Variants in KRABD3 observed in about 807,000 individuals in gnomAD.
KRABD3 encodes KRAB domain-containing protein 3.
chr7:149,718,800 C>G, the KRABD3 span, among the ~76,000 whole-genome samples: 1 of 152,068 alleles, frequency 6.6e-6, no homozygotes, highest in Non-Finnish European at 1.5e-5. Context: ...CAGGCGTGAG[C>G]CACCACACCC....
At chr7:149,718,041 A>G in the KRABD3 span, among the ~76,000 whole-genome samples, 2 of 151,952 alleles carry the variant, frequency 1.3e-5, no homozygotes, top group South Asian at 2.1e-4. Flanking sequence ...CAGGTGATCC[A>G]CCCACCTGGG....
chr7:149,721,372 C>A, the KRABD3 span: 2 of 1,579,338 alleles, frequency 1.3e-6, no homozygotes, highest in East Asian at 2.2e-5. Context: ...CTCCCTCTTT[C>A]CCGACAGCAG....
At chr7:149,725,313 A>G in the KRABD3 span, 4 of 1,578,360 alleles carry the variant, frequency 2.5e-6, no homozygotes, top group South Asian at 1.2e-5. Flanking sequence ...CTCCTGTTCC[A>G]GCTGCCAGTG....
At chr7:149,719,438 T>C in the KRABD3 span, 2 of 1,192,794 alleles carry the variant, frequency 1.7e-6, no homozygotes, top group East Asian at 2.6e-5. The surrounding 1 kb of genome is among the most constrained non-coding windows in gnomAD (Gnocchi z 5.6). Context: ...CTGGCTATTA[T>C]CCTGGAGTGT....
the KRABD3 span, among the ~76,000 whole-genome samples, chr7:149,719,188 C>T: frequency 6.6e-6 from 1 of 152,306 alleles, no homozygotes; most frequent in East Asian, 1.9e-4. The surrounding 1 kb of genome is among the most constrained non-coding windows in gnomAD (Gnocchi z 5.6). Context: ...CCTGTCTTCA[C>T]ACAGCTTTCT....
the KRABD3 span, chr7:149,728,399 A>G: frequency 6.2e-6 from 7 of 1,121,954 alleles, no homozygotes; most frequent in African/African-American, 9.3e-5. Context: ...TGACACGTCC[A>G]GTGCTCTGTG....
At chr7:149,725,508 G>A in the KRABD3 span, 27 of 1,585,950 alleles carry the variant, frequency 1.7e-5, no homozygotes, top group East Asian at 1.1e-4. Flanking sequence ...GGCCATGGGC[G>A]CGGGGTGGCA....
the KRABD3 span, chr7:149,715,289 T>C: frequency 8.2e-7 from 1 of 1,219,952 alleles, no homozygotes; most frequent in Non-Finnish European, 1.0e-6. Flanking sequence ...GAAACCCCCT[T>C]GGCGTGGCTT....
At chr7:149,715,892 C>T in the KRABD3 span, among the ~76,000 whole-genome samples, 3 of 152,206 alleles carry the variant, frequency 2.0e-5, no homozygotes, top group African/African-American at 7.2e-5. Context: ...CACCCTGGTT[C>T]AGACATGCCC....
At chr7:149,730,139 C>T in the KRABD3 span, 1 of 1,496,944 alleles carries the variant, frequency 6.7e-7, no homozygotes, top group Non-Finnish European at 8.9e-7. Flanking sequence ...CTCTGGTCCC[C>T]TGCCCAGGGT....
At chr7:149,733,061 C>T in the KRABD3 span, 1 of 944,284 alleles carries the variant, frequency 1.1e-6, no homozygotes, top group Non-Finnish European at 1.6e-6. Context: ...CATCTGCGTT[C>T]TCAGGCCTCA....
the KRABD3 span, chr7:149,719,952 T>C: frequency 6.7e-7 from 1 of 1,501,988 alleles, no homozygotes; most frequent in Non-Finnish European, 8.9e-7. This position sits in a 1 kb window ranked among gnomAD's most constrained non-coding sequence, Gnocchi z 5.6. Flanking sequence ...TATGCAACTG[T>C]GTGCGAAGCG....
the KRABD3 span, chr7:149,719,645 G>A: frequency 1.9e-6 from 3 of 1,608,440 alleles, no homozygotes; most frequent in Non-Finnish European, 2.5e-6. The surrounding 1 kb of genome is among the most constrained non-coding windows in gnomAD (Gnocchi z 5.6). Context: ...CGTGATGCGG[G>A]AGAACTACGA....
the KRABD3 span, chr7:149,730,410 CTTTG>C: frequency 5.0e-5 from 79 of 1,576,414 alleles, no homozygotes; most frequent in South Asian, 2.2e-4. Flanking sequence ...CTGATGCCAG[CTTTG>C]TTTGTGACGT....
chr7:149,721,613 G>A, the KRABD3 span: 2 of 1,483,184 alleles, frequency 1.3e-6, no homozygotes, highest in Admixed American at 3.9e-5. Context: ...CCTGGACCCT[G>A]TGCCCTCTTC....
chr7:149,731,568 C>A, the KRABD3 span: 2 of 914,542 alleles, frequency 2.2e-6, no homozygotes, highest in Non-Finnish European at 3.4e-6. Flanking sequence ...CTCATTTAAT[C>A]ATTGTTTAAA....
At chr7:149,732,966 C>T in the KRABD3 span, among the ~76,000 whole-genome samples, 8 of 152,176 alleles carry the variant, frequency 5.3e-5, no homozygotes, top group East Asian at 7.7e-4. This position sits in a 1 kb window ranked among gnomAD's most constrained non-coding sequence, Gnocchi z 4.0. Flanking sequence ...CTGGTTACCA[C>T]GGAAACCCAA....
chr7:149,720,814 G>A, the KRABD3 span: 1 of 1,566,066 alleles, frequency 6.4e-7, no homozygotes, highest in Non-Finnish European at 8.6e-7. Flanking sequence ...GTGCGGGGGG[G>A]TCACTGTGGC....
chr7:149,734,240 G>A, the KRABD3 span: 3 of 660,830 alleles, frequency 4.5e-6, no homozygotes, highest in Admixed American at 6.2e-5. Flanking sequence ...CTGTGGGGGT[G>A]CCTTCCTCAG....
Sources: gnomAD v4.1 joint callset for allele counts (sites outside exome capture counted in the v4.1 genomes callset) on GRCh38, gnomAD v4.1.1 for gene constraint, Gnocchi (gnomAD v3.1) non-coding constraint, MANE v1.5 for transcripts, NCBI Gene and HGNC (gene_info 2026-07-23, HGNC 2026-07-21) for gene names.